Variants in EXOC4 observed in about 807,000 individuals in gnomAD.
EXOC4 encodes SEC8-like 1.
Under a neutral mutation model 107.2 loss-of-function variants are expected in EXOC4, and 71 were observed. That is an observed-to-expected ratio of 0.66 (90% CI 0.55 to 0.81). The LOEUF is 0.81. Among genes scored for constraint, EXOC4 ranks in the 30% least tolerant of loss-of-function variants. The probability of loss-of-function intolerance (pLI) is 0.00; values close to 1 mark genes in which losing one functional copy is unlikely to be tolerated. For missense variants in EXOC4, 1,108 were observed against 1,189.6 expected (o/e 0.93, Z 1.01); for synonymous variants, 456 against 441.2 (o/e 1.03, Z -0.42).
chr7:133,626,720 C>T (rs1297830427), intron 9 of EXOC4, among the ~76,000 whole-genome samples: 4 of 152,238 alleles, frequency 2.6e-5, no homozygotes, highest in East Asian at 1.9e-4. Flanking sequence ...TGTCAATGTG[C>T]ATATATTTTC....
At chr7:134,040,709 G>A (rs1795494907) in intron 17 of EXOC4, among the ~76,000 whole-genome samples, 1 of 152,194 alleles carries the variant, frequency 6.6e-6, no homozygotes, top group Admixed American at 6.5e-5. Flanking sequence ...TTAGCAATAT[G>A]TAGCTAATTC....
Position 133,541,759 on chromosome 7 carries a change from A to G in EXOC4, c.1417+61621A>G, listed in dbSNP as rs544989539. 2.6e-5 allele frequency among the ~76,000 whole-genome samples: 4 copies of G among 152,246 alleles called. No homozygotes were observed. In the South Asian group the frequency reaches 6.2e-4, roughly 24 times the overall value. On this transcript the variant is annotated intron_variant, in intron 9 of 17. Coordinates refer to ENST00000253861, the MANE Select transcript of EXOC4 (RefSeq NM_021807.4). ...GGGCTCAAGTATATTTGCATATTAAAGGAAAATTCTTAGTGGATGTTGGCC... is the reference window on the plus strand; with the variant it reads ...GGGCTCAAGTATATTTGCATATTAAGGGAAAATTCTTAGTGGATGTTGGCC...
chr7:134,052,338 C>T (rs1329014629), intron 17 of EXOC4, among the ~76,000 whole-genome samples: 1 of 151,784 alleles, frequency 6.6e-6, no homozygotes. Flanking sequence ...ATACTGGATA[C>T]AAGAGTTAAA....
intron 10 of EXOC4, among the ~76,000 whole-genome samples, chr7:133,707,680 A>G (rs915727963): frequency 1.4e-4 from 21 of 151,900 alleles, no homozygotes; most frequent in African/African-American, 4.1e-4. Context: ...CAGTGATACA[A>G]TCTCAGCTCA....
intron 3 of EXOC4, among the ~76,000 whole-genome samples, chr7:133,292,337 T>C (rs1204914919): frequency 6.6e-6 from 1 of 152,228 alleles, no homozygotes; most frequent in Non-Finnish European, 1.5e-5. Context: ...GTGAACCTAA[T>C]ATTCCTTTCA....
chr7:133,636,847 T>G (rs1424646829), intron 10 of EXOC4, among the ~76,000 whole-genome samples: 1 of 152,246 alleles, frequency 6.6e-6, no homozygotes, highest in Non-Finnish European at 1.5e-5. Context: ...TGAACCTCTC[T>G]TGGCAACTTG....
intron 7 of EXOC4, among the ~76,000 whole-genome samples, chr7:133,426,458 T>G (rs906183140): frequency 6.6e-6 from 1 of 152,246 alleles, no homozygotes; most frequent in African/African-American, 2.4e-5. Flanking sequence ...TACATGCAAA[T>G]AACTTGCTCA....
intron 11 of EXOC4, among the ~76,000 whole-genome samples, chr7:133,869,981 A>G (rs1465935215): frequency 1.3e-5 from 2 of 152,216 alleles, no homozygotes; most frequent in Non-Finnish European, 2.9e-5. Flanking sequence ...TCAAATGTCA[A>G]TTAGCAGAAC....
At chr7:133,786,806 A>C (rs1418903107) in intron 10 of EXOC4, among the ~76,000 whole-genome samples, 2 of 152,216 alleles carry the variant, frequency 1.3e-5, no homozygotes, top group African/African-American at 4.8e-5. Context: ...TAAGTATCTC[A>C]TATTAAATGT....
At chr7:133,311,382 G>A (rs550356789) in intron 4 of EXOC4, among the ~76,000 whole-genome samples, 2 of 152,230 alleles carry the variant, frequency 1.3e-5, no homozygotes, top group South Asian at 2.1e-4. Context: ...ACAAAATAGA[G>A]TTGAGAAATA....
At chr7:133,394,723 T>C (rs1796932693) in intron 7 of EXOC4, among the ~76,000 whole-genome samples, 1 of 152,190 alleles carries the variant, frequency 6.6e-6, no homozygotes. Context: ...ATTTTCAGCT[T>C]CATTAGAGAT....
rs774450424 is a variant in EXOC4 at position 133,917,729 on chromosome 7, A to T, written c.2018A>T (p.Asp673Val). ...AGGCCAAAAAGAGAGGAGGAAGAAG[A>T]TTTCATAAGGTAAAAGGTCCATTTT... is the stretch of plus-strand genomic sequence containing the variant. ...QLRPKREEEE[D>V]FIRAAFGKES... is the part of the protein sequence containing the mutation. The change falls in exon 13 of 18, where the codon GAT becomes GTT. Residue 673 changes from aspartate (D) to valine (V), a missense_variant. By Grantham distance (152) the Asp-to-Val change is radical (BLOSUM62 -3). Coordinates refer to ENST00000253861, the MANE Select transcript of EXOC4 (RefSeq NM_021807.4). The T allele has an allele frequency of 3.7e-6, 6 of 1,613,996 alleles. No homozygotes were observed. The highest frequency in any genetic ancestry group is 5.1e-6 in the Non-Finnish European group (6 of 1,179,942).
intron 14 of EXOC4, among the ~76,000 whole-genome samples, chr7:133,967,337 C>T (rs978635980): frequency 3.9e-5 from 6 of 151,908 alleles, no homozygotes; most frequent in Non-Finnish European, 5.9e-5. Context: ...TTCTGCTCTA[C>T]TCTGATCTGA....
chr7:133,547,231 G>A (rs570443940), intron 9 of EXOC4, among the ~76,000 whole-genome samples: 29 of 152,286 alleles, frequency 1.9e-4, no homozygotes, highest in Middle Eastern at 3.4e-3. Flanking sequence ...CTATAGTGTA[G>A]TTTGTAAAGT....
intron 14 of EXOC4, among the ~76,000 whole-genome samples, chr7:133,988,013 G>A (rs779949081): frequency 6.6e-6 from 1 of 152,150 alleles, no homozygotes; most frequent in Non-Finnish European, 1.5e-5. Context: ...ACATCCTAAT[G>A]TCCTAGTCTG....
In EXOC4 at chr7:133,641,463, C is replaced by T. The variant is rs556583266; in HGVS notation, c.1514+11322C>T. On this transcript the variant is annotated intron_variant, in intron 10 of 17. Transcript: ENST00000253861. ...ATATAGATACACACACATACATATA[C>T]GTACATACAAACACACACACTCATT... is the stretch of plus-strand genomic sequence containing the variant. Among the ~76,000 whole-genome samples the T allele has an allele frequency of 3.9e-5, 6 of 152,240 alleles. No homozygotes were observed. In the South Asian group the frequency reaches 8.3e-4, roughly 21 times the overall value.
rs936804237 is a variant in EXOC4, at chr7:133,989,627, C to T, written c.2207-7865C>T. Among the ~76,000 whole-genome samples, 5 of 152,120 alleles carry T rather than the reference C, an allele frequency of 3.3e-5. No homozygotes were observed. In the South Asian group the frequency reaches 1.0e-3, roughly 32 times the overall value. ...CAGTGAATTCAGAGATAGCAGAGAG[C>T]CTGCATGAGATGAGGACTGAAGAGC... On this transcript the variant is annotated intron_variant, in intron 14 of 17. Transcript: ENST00000253861.
chr7:133,623,221 A>G (rs185809191), intron 9 of EXOC4, among the ~76,000 whole-genome samples: 1 of 152,326 alleles, frequency 6.6e-6, no homozygotes, highest in African/African-American at 2.4e-5. Context: ...AGAATAAAAT[A>G]TAATTGAGCA....
chr7:133,368,623 T>G (rs1459954234), intron 6 of EXOC4, among the ~76,000 whole-genome samples: 1 of 152,210 alleles, frequency 6.6e-6, no homozygotes, highest in African/African-American at 2.4e-5. Flanking sequence ...TATGATGTCT[T>G]GAAAGTCCCA....
Sources: allele counts gnomAD v4.1 joint callset (sites outside exome capture counted in the v4.1 genomes callset), GRCh38; gene constraint gnomAD v4.1.1; transcripts MANE v1.5; gene names NCBI Gene and HGNC (gene_info 2026-07-23, HGNC 2026-07-21).